Variants in CDH3 observed in about 807,000 individuals in gnomAD.
CDH3 encodes cadherin-3.
A neutral mutation model predicts 82.0 loss-of-function variants in CDH3; 54 were observed. The ratio of observed to expected loss-of-function variants is 0.66; its 90% CI spans 0.53 to 0.83. The LOEUF (loss-of-function observed/expected upper bound fraction) is 0.83, where lower values mean the gene tolerates loss of function less well. Ranked by LOEUF, CDH3 falls within the 40% of genes least tolerant of loss-of-function variation. CDH3 has a pLI of 0.00. For missense variants in CDH3, 1,054 were observed against 1,084.6 expected (o/e 0.97, Z 0.40); for synonymous variants, 446 against 437.9 (o/e 1.02, Z -0.23).
chr16:68,666,452 G>A (rs1341471586), intron 2 of CDH3, among the ~76,000 whole-genome samples: 1 of 152,156 alleles, frequency 6.6e-6, no homozygotes, highest in Admixed American at 6.5e-5. Context: ...GCATGCCCAG[G>A]GGTGGGTCCC....
chr16:68,645,491 G>T, intron 1 of CDH3, 67 bp downstream of exon 1: 1 of 1,558,224 alleles, frequency 6.4e-7, no homozygotes, highest in East Asian at 2.3e-5. Context: ...GGTCCGCATG[G>T]GGCAGTGGCG....
In CDH3 at chr16:68,645,370, C is replaced by T; in HGVS notation, c.-10C>T. 1.2e-6 allele frequency: 2 copies of T among 1,612,978 alleles called. No homozygotes were observed. Reference sequence around the variant, plus strand: ...GTCGCGGCAGCTGCTTCACCCCTCTCTCTGCAGCCATGGGGCTCCCTCGTG... The same window carrying T: ...GTCGCGGCAGCTGCTTCACCCCTCTTTCTGCAGCCATGGGGCTCCCTCGTG... On this transcript the variant is annotated 5_prime_UTR_variant, in exon 1 of 16. Transcript: ENST00000264012.
chr16:68,677,985 C>T, intron 3 of CDH3, 149 bp from the exon 4 acceptor site: 1 of 742,548 alleles, frequency 1.3e-6, no homozygotes, highest in South Asian at 1.5e-5. Flanking sequence ...TGCTCTGGAA[C>T]TCCTGGGCTC....
chr16:68,670,884 C>G (rs1400459465), intron 2 of CDH3, among the ~76,000 whole-genome samples: 1 of 152,032 alleles, frequency 6.6e-6, no homozygotes, highest in Non-Finnish European at 1.5e-5. Context: ...ACCACCCTGG[C>G]CAACATGGTG....
intron 6 of CDH3, 75 bp from the exon 7 acceptor site, chr16:68,679,696 AAAAAAAAAAAAAAAAAAAAAAAGAAAAG>A (rs1406681620): frequency 3.5e-6 from 1 of 283,484 alleles, no homozygotes; most frequent in Non-Finnish European, 6.3e-6. Context: ...CTTCATCTCA[AAAAAAAAAAAAAAAAAAAAAAAGAAAAG>A]AAAAAAAGAG....
At chr16:68,726,709 G>C (rs1205434525) in intron 2 of CDH3, among the ~76,000 whole-genome samples, 2 of 151,632 alleles carry the variant, frequency 1.3e-5, no homozygotes, top group Non-Finnish European at 2.9e-5. Context: ...CTCCTGAGTA[G>C]CTGGGACTAC....
At chr16:68,715,916 T>G (rs1333595530) in intron 1 of CDH3, among the ~76,000 whole-genome samples, 1 of 152,196 alleles carries the variant, frequency 6.6e-6, no homozygotes, top group Non-Finnish European at 1.5e-5. Context: ...CTTAAAGACC[T>G]GCCCATACAA....
chr16:68,705,634 T>A (rs1197152907), intron 1 of CDH3, among the ~76,000 whole-genome samples: 6 of 151,504 alleles, frequency 4.0e-5, no homozygotes, highest in African/African-American at 4.8e-5. Flanking sequence ...GTTGGCCAGG[T>A]TGGTCTTGAA....
At chr16:68,654,897 G>A (rs1021875443) in intron 2 of CDH3, among the ~76,000 whole-genome samples, 45 of 151,722 alleles carry the variant, frequency 3.0e-4, no homozygotes, top group African/African-American at 1.2e-4. Flanking sequence ...TTAGCCTGGC[G>A]TGGTGGTGTG....
intron 2 of CDH3, among the ~76,000 whole-genome samples, chr16:68,669,630 G>A (rs3114397): frequency 0.85 from 129,146 of 151,070 alleles, 55,408 homozygotes; most frequent in Non-Finnish European, 0.89. Flanking sequence ...GGGGGTGGGC[G>A]GTAGCAGCTC....
downstream of CDH3, among the ~76,000 whole-genome samples, chr16:68,731,385 A>ATATATATATAT (rs1432387943): frequency 3.2e-4 from 3 of 9,342 alleles, no homozygotes; most frequent in Non-Finnish European, 7.1e-4. Flanking sequence ...AAAAAAAAAA[A>ATATATATATAT]AAAAAAAAAA....
At chr16:68,666,751 T>G (rs780473049) in intron 2 of CDH3, among the ~76,000 whole-genome samples, 2 of 152,234 alleles carry the variant, frequency 1.3e-5, no homozygotes, top group African/African-American at 4.8e-5. Context: ...ATAAATGGCT[T>G]TATGACCTGC....
At chr16:68,718,815 G>C (rs1962124361) in intron 1 of CDH3, among the ~76,000 whole-genome samples, 1 of 152,150 alleles carries the variant, frequency 6.6e-6, no homozygotes, top group Admixed American at 6.6e-5. Flanking sequence ...TCCACACAAA[G>C]ACGCATACAT....
intron 2 of CDH3, among the ~76,000 whole-genome samples, chr16:68,664,714 C>A (rs1960687711): frequency 1.3e-5 from 2 of 151,940 alleles, no homozygotes; most frequent in Non-Finnish European, 2.9e-5. Flanking sequence ...GGCTGGAGTG[C>A]ATGGTGTGAT....
At chr16:68,696,740 CAA>C (rs936072355) in intron 15 of CDH3, 6 of 152,548 alleles carry the variant, frequency 3.9e-5, no homozygotes, top group African/African-American at 7.2e-5. Context: ...TTTAGACAAA[CAA>C]GAGACATCCA....
chr16:68,691,608 ATTTC>A (rs1961575249), intron 12 of CDH3, 108 bp from the exon 13 acceptor site: 1 of 827,718 alleles, frequency 1.2e-6, no homozygotes, highest in East Asian at 2.4e-5. Context: ...CTTGTGGAGT[ATTTC>A]TCTGCATTGC....
chr16:68,710,411 A>C (rs1275414078), intron 1 of CDH3, among the ~76,000 whole-genome samples: 1 of 152,160 alleles, frequency 6.6e-6, no homozygotes, highest in Non-Finnish European at 1.5e-5. Flanking sequence ...ATATTTGGCA[A>C]TGTCTGGAGT....
At chr16:68,685,074 G>T (rs113084544) in intron 10 of CDH3, 131 bp from the exon 11 acceptor site, 2 of 1,181,484 alleles carry the variant, frequency 1.7e-6, no homozygotes, top group Admixed American at 1.8e-5. Context: ...GTTTATGGGC[G>T]AGGTGCATTT....
At chr16:68,720,265 TAAA>T (rs771951284) in intron 1 of CDH3, among the ~76,000 whole-genome samples, 1 of 139,580 alleles carries the variant, frequency 7.2e-6, no homozygotes. Flanking sequence ...GAGGGGAGGC[TAAA>T]AAAAAAAAAG....
Sources: allele counts gnomAD v4.1 joint callset (sites outside exome capture counted in the v4.1 genomes callset), GRCh38; gene constraint gnomAD v4.1.1; transcripts MANE v1.5; gene names NCBI Gene and HGNC (gene_info 2026-07-23, HGNC 2026-07-21).